MYL4: variants seen among roughly 807,000 people sequenced by gnomAD.
The protein encoded by MYL4 is atrial myosin light chain 1.
Under a neutral mutation model 21.6 loss-of-function variants are expected in MYL4, and 16 were observed. The observed-to-expected ratio is 0.74, with a 90% CI of 0.50 to 1.12. The LOEUF is 1.12. Among genes scored for constraint, MYL4 ranks in the 50% most tolerant of loss-of-function variants. The pLI is 0.00. For synonymous variants in MYL4, 82 were observed against 95.7 expected, an observed-to-expected ratio of 0.86 and a Z score of 0.83; for missense variants, 249 against 252.9, an observed-to-expected ratio of 0.98 and a Z score of 0.11.
chr17:47,212,924 T>C (rs1468191984), intron 1 of MYL4, among the ~76,000 whole-genome samples: 1 of 152,174 alleles, frequency 6.6e-6, no homozygotes, highest in African/African-American at 2.4e-5. Context: ...CAACGGCCTC[T>C]TATAAATTGT....
chr17:47,198,157 G>A (rs2064696519), upstream of MYL4, among the ~76,000 whole-genome samples: 1 of 152,116 alleles, frequency 6.6e-6, no homozygotes, highest in Admixed American at 6.5e-5. Flanking sequence ...GGGCAACTCT[G>A]AATATTCACT....
chr17:47,213,116 T>G (rs969191579), intron 1 of MYL4, among the ~76,000 whole-genome samples: 6 of 152,062 alleles, frequency 3.9e-5, no homozygotes, highest in African/African-American at 7.2e-5. Context: ...TAGGAAGAGA[T>G]TGAAGGGGCA....
chr17:47,189,475 G>A, the MYL4 span: 3 of 482,934 alleles, frequency 6.2e-6, no homozygotes, highest in African/African-American at 3.9e-5. Context: ...CCAAAGCGTA[G>A]GTTTCTCTTC....
At chr17:47,209,308 C>A, upstream of MYL4, 1 of 1,438,732 alleles carries the variant, frequency 7.0e-7, no homozygotes, top group Admixed American at 1.8e-5. Context: ...GTGGGGGCTC[C>A]TGCCCAGGAT....
intron 3 of MYL4, among the ~76,000 whole-genome samples, chr17:47,220,462 A>C (rs1000171905): frequency 3.3e-4 from 50 of 152,236 alleles, no homozygotes; most frequent in Admixed American, 1.5e-3. Flanking sequence ...GCTGTATTAC[A>C]AACAATTTGT....
At chr17:47,204,120 C>T (rs2064718807), upstream of MYL4, among the ~76,000 whole-genome samples, 1 of 152,224 alleles carries the variant, frequency 6.6e-6, no homozygotes, top group Non-Finnish European at 1.5e-5. Context: ...TTACCAACAC[C>T]CGGACCACAG....
At chr17:47,218,911 C>T (rs1742638611) in intron 2 of MYL4, among the ~76,000 whole-genome samples, 1 of 152,222 alleles carries the variant, frequency 6.6e-6, no homozygotes, top group African/African-American at 2.4e-5. Flanking sequence ...TCAAGGAGTC[C>T]AGTCCCTGTG....
At chr17:47,206,888 A>G (rs1161548269), upstream of MYL4, among the ~76,000 whole-genome samples, 8 of 152,198 alleles carry the variant, frequency 5.3e-5, no homozygotes, top group Non-Finnish European at 1.0e-4. Flanking sequence ...CAGTCCAGGA[A>G]GGGATGCAGG....
At chr17:47,219,572 G>A (rs561458668) in intron 2 of MYL4, among the ~76,000 whole-genome samples, 2 of 151,974 alleles carry the variant, frequency 1.3e-5, no homozygotes, top group Non-Finnish European at 1.5e-5. Context: ...GCAGTGGTGC[G>A]ATCTTGGCTG....
downstream of MYL4, among the ~76,000 whole-genome samples, chr17:47,227,047 G>A (rs906871371): frequency 2.6e-5 from 4 of 152,094 alleles, no homozygotes; most frequent in Admixed American, 6.5e-5. Context: ...GTAGAGATGG[G>A]GTTTCACCAT....
At chr17:47,199,029 T>G (rs2064699605), upstream of MYL4, among the ~76,000 whole-genome samples, 1 of 149,826 alleles carries the variant, frequency 6.7e-6, no homozygotes, top group African/African-American at 2.5e-5. Flanking sequence ...GGTTGGGAGA[T>G]CAACACCATC....
chr17:47,213,971 A>G (rs2064795973), intron 2 of MYL4, 145 bp downstream of exon 2: 2 of 954,572 alleles, frequency 2.1e-6, no homozygotes, highest in Non-Finnish European at 3.4e-6. Context: ...AGCATCTACC[A>G]TGTGTCAGGC....
chr17:47,203,622 T>C (rs180910798), intron 1 of MYL4, among the ~76,000 whole-genome samples: 1 of 152,364 alleles, frequency 6.6e-6, no homozygotes, highest in East Asian at 1.9e-4. Context: ...ATTTTTGGGC[T>C]ACTTTTAAAA....
chr17:47,219,765 G>A (rs951716048), intron 2 of MYL4, 139 bp from the exon 3 acceptor site: 47 of 1,073,740 alleles, frequency 4.4e-5, no homozygotes, highest in Non-Finnish European at 6.1e-5. Flanking sequence ...GGGACGGCCT[G>A]GGATAATGGA....
At chr17:47,193,221 G>T in the MYL4 span, among the ~76,000 whole-genome samples, 1 of 116,554 alleles carries the variant, frequency 8.6e-6, no homozygotes, top group Admixed American at 1.1e-4. Context: ...CTCTTCTTTT[G>T]GCTTCTCTAA....
intron 3 of MYL4, among the ~76,000 whole-genome samples, chr17:47,221,050 A>G (rs187695855): frequency 1.2e-4 from 19 of 152,364 alleles, no homozygotes; most frequent in African/African-American, 4.6e-4. Flanking sequence ...CTGTGTGCTT[A>G]TAAAAGAAAG....
At chr17:47,208,733 G>A (rs1430697595), upstream of MYL4, among the ~76,000 whole-genome samples, 1 of 152,162 alleles carries the variant, frequency 6.6e-6, no homozygotes, top group Non-Finnish European at 1.5e-5. Flanking sequence ...TTGAATGAAT[G>A]ACTGAGGTTG....
chr17:47,214,984 G>A (rs751099730), intron 2 of MYL4, among the ~76,000 whole-genome samples: 5 of 152,074 alleles, frequency 3.3e-5, no homozygotes, highest in South Asian at 2.1e-4. Flanking sequence ...GATTGTTTCC[G>A]GTGGGAGGAT....
upstream of MYL4, chr17:47,209,198 C>G: frequency 1.5e-6 from 1 of 664,588 alleles, no homozygotes; most frequent in Non-Finnish European, 2.7e-6. Flanking sequence ...GGCTGGTGGC[C>G]CCAAACCTGG....
Sources: gnomAD v4.1 joint callset for allele counts (sites outside exome capture counted in the v4.1 genomes callset) on GRCh38, gnomAD v4.1.1 for gene constraint, MANE v1.5 for transcripts, NCBI Gene and HGNC (gene_info 2026-07-23, HGNC 2026-07-21) for gene names.